Variants in ZNF569 observed in about 807,000 individuals in gnomAD.
ZNF569 encodes zinc finger protein 569, also known as DNA-binding protein.
Under a neutral mutation model 56.3 loss-of-function variants are expected in ZNF569, and 38 were observed. The observed-to-expected ratio is 0.68, with a 90% CI of 0.52 to 0.88. ZNF569 has a LOEUF of 0.88. Ranked by LOEUF, ZNF569 falls within the 40% of genes least tolerant of loss-of-function variation. The pLI is 0.00. For synonymous variants in ZNF569, 241 were observed against 262.9 expected, an observed-to-expected ratio of 0.92 and a Z score of 0.81; for missense variants, 666 against 809.2, an observed-to-expected ratio of 0.82 and a Z score of 2.15.
intron 3 of ZNF569, among the ~76,000 whole-genome samples, chr19:37,430,887 G>A (rs553362854): frequency 1.3e-5 from 2 of 152,326 alleles, no homozygotes; most frequent in African/African-American, 4.8e-5. Flanking sequence ...CCCGCAGGAG[G>A]GAGACCAGAG....
chr19:37,452,936 T>C (rs1046089875), intron 2 of ZNF569, among the ~76,000 whole-genome samples: 2 of 152,214 alleles, frequency 1.3e-5, no homozygotes. Context: ...ATTCCCATAA[T>C]GCATATATTA....
At chr19:37,457,479 A>G (rs73631082) in intron 2 of ZNF569, among the ~76,000 whole-genome samples, 2,598 of 152,282 alleles carry the variant, frequency 0.017, 69 homozygotes, top group African/African-American at 0.059. Context: ...TTAAGAATAA[A>G]CAAAATAACC....
chr19:37,431,316 G>A (rs998476732), intron 3 of ZNF569, among the ~76,000 whole-genome samples: 1 of 152,118 alleles, frequency 6.6e-6, no homozygotes, highest in African/African-American at 2.4e-5. Flanking sequence ...AGAGGAGAAG[G>A]AAGAGTAAAG....
At chr19:37,432,012 G>A (rs1038411624) in intron 3 of ZNF569, among the ~76,000 whole-genome samples, 14 of 152,166 alleles carry the variant, frequency 9.2e-5, no homozygotes, top group South Asian at 2.1e-4. Flanking sequence ...TCCAGCCACC[G>A]TAGAATACCA....
At chr19:37,428,639 A>G (rs2041175175) in intron 3 of ZNF569, among the ~76,000 whole-genome samples, 1 of 151,894 alleles carries the variant, frequency 6.6e-6, no homozygotes, top group South Asian at 2.1e-4. Context: ...ATTAAAACTA[A>G]TTGATATTTA....
At chr19:37,446,549 C>CAAAA (rs74174464) in intron 2 of ZNF569, among the ~76,000 whole-genome samples, 20 of 60,324 alleles carry the variant, frequency 3.3e-4, no homozygotes, top group South Asian at 7.1e-4. Context: ...GACTCCATCT[C>CAAAA]AAAAAAAAAA....
chr19:37,421,366 G>A (rs74989625), intron 5 of ZNF569, among the ~76,000 whole-genome samples: 1 of 152,182 alleles, frequency 6.6e-6, no homozygotes, highest in East Asian at 1.9e-4. Context: ...GAAGGCTGTT[G>A]CATCTACATC....
intron 5 of ZNF569, among the ~76,000 whole-genome samples, chr19:37,425,306 C>A (rs2146886718): frequency 1.3e-5 from 2 of 150,250 alleles, no homozygotes; most frequent in African/African-American, 4.9e-5. Flanking sequence ...CGTATGCCAC[C>A]ACACGTGGCT....
chr19:37,456,988 C>CA (rs1197821741), intron 2 of ZNF569, among the ~76,000 whole-genome samples: 1 of 149,842 alleles, frequency 6.7e-6, no homozygotes, highest in Non-Finnish European at 1.5e-5. Context: ...AAACAAAAAA[C>CA]AAAAAACACA....
At chr19:37,454,449 G>T (rs921382934) in intron 2 of ZNF569, among the ~76,000 whole-genome samples, 2 of 152,040 alleles carry the variant, frequency 1.3e-5, no homozygotes, top group Non-Finnish European at 2.9e-5. Context: ...TTGCCGCTCT[G>T]CCAGCTGTAG....
rs1323964290 is a variant in ZNF569, at chr19:37,413,892, T to C, written c.766A>G (p.Asn256Asp). The change falls in exon 6 of 6, where the codon AAT (asparagine) becomes GAT (aspartate). Residue 256 changes from asparagine to aspartate, a missense_variant. Asn to Asp is a conservative substitution (Grantham distance 23, BLOSUM62 1). Coordinates refer to ENST00000316950, the MANE Select transcript of ZNF569 (RefSeq NM_152484.3). The part of the protein sequence containing the change: ...ECGKAFIKMS[N>D]LIRHQRIHTG... ...TGAATTCTTTGATGTCTAATGAGATTTGACATTTTAATGAAAGCTTTACCA... is the reference window on the plus strand; with the variant it reads ...TGAATTCTTTGATGTCTAATGAGATCTGACATTTTAATGAAAGCTTTACCA... 1 of 1,613,252 alleles carries C rather than the reference T, an allele frequency of 6.2e-7. No homozygotes were observed. The highest frequency in any genetic ancestry group is 8.5e-7 in the Non-Finnish European group (1 of 1,179,872).
intron 5 of ZNF569, among the ~76,000 whole-genome samples, chr19:37,421,000 C>T (rs2041026106): frequency 6.6e-6 from 1 of 152,138 alleles, no homozygotes; most frequent in Non-Finnish European, 1.5e-5. Context: ...ATTAGAGCTC[C>T]TGGGTGACCA....
chr19:37,427,312 G>A (rs984901751), intron 3 of ZNF569, among the ~76,000 whole-genome samples: 2 of 151,138 alleles, frequency 1.3e-5, no homozygotes, highest in African/African-American at 4.9e-5. Context: ...GCAAGGCCCT[G>A]TCTCAAAAAA....
chr19:37,420,161 T>G (rs972370629), intron 5 of ZNF569, among the ~76,000 whole-genome samples: 1 of 151,848 alleles, frequency 6.6e-6, no homozygotes, highest in African/African-American at 2.4e-5. Flanking sequence ...TAATTTTTTT[T>G]GTGTTTTTAG....
chr19:37,436,951 A>C (rs1247398544), intron 3 of ZNF569, among the ~76,000 whole-genome samples: 2 of 151,680 alleles, frequency 1.3e-5, no homozygotes, highest in Admixed American at 1.3e-4. Flanking sequence ...GGAAGAGGGA[A>C]TACTTCCAAA....
chr19:37,457,434 A>C (rs2041690469), intron 2 of ZNF569, among the ~76,000 whole-genome samples: 1 of 152,166 alleles, frequency 6.6e-6, no homozygotes, highest in East Asian at 1.9e-4. Flanking sequence ...TGAAAGAAAA[A>C]GAGAGTGATG....
At position 37,413,704 on chromosome 19, in the gene ZNF569, T is replaced by C; in HGVS notation, c.954A>G (p.Lys318=). ...SQKQSLIAHQ[K]VHTGEKPYAC... ...CATAAGGTTTCTCCCCAGTATGAAC[T>C]TTCTGATGTGCAATGAGGCTTTGCT... is the stretch of plus-strand genomic sequence containing the variant. The change falls in exon 6 of 6, where the codon AAA becomes AAG. Residue 318 remains lysine, a synonymous_variant. Coordinates refer to ENST00000316950, the MANE Select transcript of ZNF569 (RefSeq NM_152484.3). 3 of 1,613,860 alleles carry C rather than the reference T, an allele frequency of 1.9e-6. No homozygotes were observed. Among genetic ancestry groups the C allele is most frequent in the South Asian group, 2.2e-5 (2 of 91,076 alleles).
intron 2 of ZNF569, among the ~76,000 whole-genome samples, chr19:37,458,865 A>T (rs937313401): frequency 6.6e-6 from 1 of 152,228 alleles, no homozygotes; most frequent in African/African-American, 2.4e-5. Flanking sequence ...AGAAATCAAA[A>T]ACATATTAAT....
chr19:37,444,696 T>C (rs1302613430), intron 3 of ZNF569, among the ~76,000 whole-genome samples: 1 of 152,340 alleles, frequency 6.6e-6, no homozygotes, highest in South Asian at 2.1e-4. Flanking sequence ...AAAGGAAATT[T>C]AAATTTGAAG....
Sources: gnomAD v4.1 joint callset for allele counts (sites outside exome capture counted in the v4.1 genomes callset) on GRCh38, gnomAD v4.1.1 for gene constraint, MANE v1.5 for transcripts, NCBI Gene and HGNC (gene_info 2026-07-23, HGNC 2026-07-21) for gene names.